TRIM33: variants seen among roughly 807,000 people sequenced by gnomAD.
TRIM33 encodes tripartite motif containing 33.
Under a neutral mutation model 125.4 loss-of-function variants are expected in TRIM33, and 20 were observed. The ratio of observed to expected loss-of-function variants is 0.16; its 90% CI spans 0.11 to 0.23. The LOEUF is 0.23. Ranked by LOEUF, TRIM33 falls within the 10% of genes least tolerant of loss-of-function variation. The probability of loss-of-function intolerance (pLI) is 1.00; values close to 1 mark genes in which losing one functional copy is unlikely to be tolerated. For missense variants in TRIM33, 920 were observed against 1,411.4 expected (o/e 0.65, Z 5.58); for synonymous variants, 564 against 513.9 (o/e 1.10, Z -1.32).
intron 16 of TRIM33, among the ~76,000 whole-genome samples, chr1:114,402,489 G>A (rs1231000161): frequency 2.0e-5 from 3 of 152,010 alleles, no homozygotes; most frequent in East Asian, 1.9e-4. Flanking sequence ...TTTTTATGTC[G>A]TTATTTGCTT....
intron 4 of TRIM33, among the ~76,000 whole-genome samples, chr1:114,440,340 A>G (rs934350394): frequency 6.6e-6 from 1 of 151,992 alleles, no homozygotes; most frequent in Admixed American, 6.5e-5. Flanking sequence ...AAGTATCTTA[A>G]TTTTAGACCA....
chr1:114,467,192 G>A (rs922895405), intron 1 of TRIM33, among the ~76,000 whole-genome samples: 8 of 152,214 alleles, frequency 5.3e-5, no homozygotes, highest in Admixed American at 2.6e-4. Flanking sequence ...TAAAGGAAAT[G>A]TAGAGGATAA....
chr1:114,442,601 T>C (rs1046834156), intron 4 of TRIM33, among the ~76,000 whole-genome samples: 8 of 141,214 alleles, frequency 5.7e-5, no homozygotes, highest in African/African-American at 1.3e-4. Flanking sequence ...GGCAGGAGAA[T>C]AGCTTGAACC....
At chr1:114,485,404 C>T (rs1188385708) in intron 1 of TRIM33, among the ~76,000 whole-genome samples, 1 of 152,000 alleles carries the variant, frequency 6.6e-6, no homozygotes, top group East Asian at 1.9e-4. Flanking sequence ...GGTAAGAGAC[C>T]AGGCAAATCA....
chr1:114,427,039 T>C (rs1647632188), intron 8 of TRIM33, 138 bp downstream of exon 8: 2 of 495,514 alleles, frequency 4.0e-6, no homozygotes, highest in Admixed American at 3.7e-5. Flanking sequence ...GAGTTTCCAA[T>C]GAATAACAAC....
intron 4 of TRIM33, among the ~76,000 whole-genome samples, chr1:114,457,309 T>C (rs1649683020): frequency 6.6e-6 from 1 of 152,172 alleles, no homozygotes; most frequent in Non-Finnish European, 1.5e-5. Flanking sequence ...CTACAGCTTA[T>C]GGGCAAAACC....
chr1:114,510,636 G>A lies in TRIM33; in HGVS notation c.441C>T (p.His147=). Residue 147 remains histidine, a synonymous_variant, in exon 1 of 20, where the codon CAC becomes CAT. Transcript: ENST00000358465. ...EAEPKLLPCL[H]SFCLRCLPEP... ...CGGGCAGGCAGCGCAGGCAGAAGGA[G>A]TGAAGACAGGGCAGCAGCTTGGGCT... 6.4e-7 allele frequency: 1 copy of A among 1,566,246 alleles called. No individual in the cohort carries two copies. The highest frequency in any genetic ancestry group is 2.3e-5 in the East Asian group (1 of 42,756).
chr1:114,459,752 A>G (rs1192239502), intron 4 of TRIM33, among the ~76,000 whole-genome samples: 1 of 144,474 alleles, frequency 6.9e-6, no homozygotes, highest in Non-Finnish European at 1.6e-5. Context: ...AAAAATAAGA[A>G]AAATTCTCTC....
chr1:114,499,732 T>C (rs1652595587), intron 1 of TRIM33, among the ~76,000 whole-genome samples: 2 of 152,142 alleles, frequency 1.3e-5, no homozygotes, highest in Non-Finnish European at 2.9e-5. Flanking sequence ...ACAGGCTCAC[T>C]GTCTAAAACT....
At chr1:114,430,214 A>ACATTAC (rs1647855618) in intron 6 of TRIM33, among the ~76,000 whole-genome samples, 1 of 151,948 alleles carries the variant, frequency 6.6e-6, no homozygotes, top group African/African-American at 2.4e-5. Flanking sequence ...GCCTTTACGT[A>ACATTAC]CATCACATTT....
intron 11 of TRIM33, among the ~76,000 whole-genome samples, chr1:114,412,256 C>A (rs1265174041): frequency 6.6e-6 from 1 of 152,168 alleles, no homozygotes; most frequent in African/African-American, 2.4e-5. Flanking sequence ...TGTGTAATTA[C>A]TTTTGGCCCA....
At chr1:114,421,395 A>G (rs1653273339) in intron 11 of TRIM33, 41 bp downstream of exon 11, 1 of 1,548,274 alleles carries the variant, frequency 6.5e-7, no homozygotes, top group African/African-American at 1.4e-5. Flanking sequence ...TCTGTAATTA[A>G]CATTAAGTTT....
chr1:114,503,377 AG>A (rs1211410509), intron 1 of TRIM33, among the ~76,000 whole-genome samples: 2 of 152,156 alleles, frequency 1.3e-5, no homozygotes, highest in Admixed American at 6.6e-5. Flanking sequence ...GCTACTTGGG[AG>A]GCTGAGGCAG....
At chr1:114,507,792 T>C (rs1475575803) in intron 1 of TRIM33, among the ~76,000 whole-genome samples, 2 of 152,088 alleles carry the variant, frequency 1.3e-5, no homozygotes, top group Admixed American at 6.5e-5. Flanking sequence ...TAGGAGTTAA[T>C]ACTGACAAAT....
At chr1:114,480,476 T>TAAA (rs61241613) in intron 1 of TRIM33, among the ~76,000 whole-genome samples, 5 of 77,858 alleles carry the variant, frequency 6.4e-5, no homozygotes, top group Admixed American at 1.7e-4. Flanking sequence ...ATGATCAATT[T>TAAA]AAAAAAAAAA....
chr1:114,508,363 T>C (rs1295945556), intron 1 of TRIM33, among the ~76,000 whole-genome samples: 1 of 152,166 alleles, frequency 6.6e-6, no homozygotes, highest in Non-Finnish European at 1.5e-5. Flanking sequence ...AAACACAATC[T>C]GTATTTCTGG....
At chr1:114,498,653 T>A (rs528536652) in intron 1 of TRIM33, among the ~76,000 whole-genome samples, 50 of 151,180 alleles carry the variant, frequency 3.3e-4, no homozygotes, top group African/African-American at 1.2e-3. Flanking sequence ...AAATGTACAA[T>A]GTAATTAATA....
intron 9 of TRIM33, 80 bp from the exon 10 acceptor site, chr1:114,424,835 A>G: frequency 2.9e-6 from 3 of 1,034,462 alleles, no homozygotes; most frequent in Non-Finnish European, 3.9e-6. Context: ...TCATAAAAAT[A>G]ATTCAGTCAA....
intron 1 of TRIM33, among the ~76,000 whole-genome samples, chr1:114,508,684 A>G (rs2101590729): frequency 6.6e-6 from 1 of 152,214 alleles, no homozygotes; most frequent in African/African-American, 2.4e-5. Flanking sequence ...CAAACAAAAA[A>G]TGTGGAATTC....
Sources: allele counts gnomAD v4.1 joint callset (sites outside exome capture counted in the v4.1 genomes callset), GRCh38; gene constraint gnomAD v4.1.1; transcripts MANE v1.5; gene names NCBI Gene and HGNC (gene_info 2026-07-23, HGNC 2026-07-21).